The following AUTS2 variants were observed in gnomAD, a reference collection of about 807,000 sequenced individuals.
The protein encoded by AUTS2 is autism susceptibility gene 2 protein.
In AUTS2, 17 loss-of-function variants were observed where a neutral mutation model predicts 112.4. The ratio of observed to expected loss-of-function variants is 0.15; its 90% confidence interval spans 0.10 to 0.23. The LOEUF (loss-of-function observed/expected upper bound fraction) is 0.23. Among genes scored for constraint, AUTS2 ranks in the 10% least tolerant of loss-of-function variants. The pLI is 1.00. For synonymous variants in AUTS2, 751 were observed against 702.7 expected (o/e 1.07, Z -1.09); for missense variants, 1,510 against 1,701.6 (o/e 0.89, Z 1.98).
intron 4 of AUTS2, among the ~76,000 whole-genome samples, chr7:70,337,447 A>G (rs773600742): frequency 1.3e-5 from 2 of 152,224 alleles, no homozygotes; most frequent in Non-Finnish European, 2.9e-5. Context: ...AGCTTTCAAG[A>G]TGACAAAGAT....
At chr7:69,616,329 C>A (rs1214185186) in intron 1 of AUTS2, among the ~76,000 whole-genome samples, 2 of 152,154 alleles carry the variant, frequency 1.3e-5, no homozygotes. Flanking sequence ...ATATTTCCTC[C>A]CTTGTACAGC....
At chr7:70,303,638 G>C (rs1789349265) in intron 4 of AUTS2, among the ~76,000 whole-genome samples, 1 of 152,108 alleles carries the variant, frequency 6.6e-6, no homozygotes, top group African/African-American at 2.4e-5. Context: ...GTTTCAGATA[G>C]AAGACACTCC....
intron 2 of AUTS2, among the ~76,000 whole-genome samples, chr7:70,015,878 A>T (rs1800007119): frequency 7.0e-6 from 1 of 142,774 alleles, no homozygotes; most frequent in South Asian, 2.2e-4. Flanking sequence ...CCCTGTGCTT[A>T]TGCTTGTGCC....
intron 1 of AUTS2, among the ~76,000 whole-genome samples, chr7:69,677,823 TAGAC>T (rs1257479451): frequency 7.9e-5 from 12 of 152,218 alleles, no homozygotes; most frequent in Non-Finnish European, 8.8e-5. Context: ...AAAGCAAACT[TAGAC>T]AGAAGCAGGA....
At chr7:69,762,293 CTTTTTTTTTTT>C (rs534032498) in intron 1 of AUTS2, among the ~76,000 whole-genome samples, 36 of 61,600 alleles carry the variant, frequency 5.8e-4, no homozygotes, top group African/African-American at 1.4e-3. Context: ...GCCAAGTTGT[CTTTTTTTTTTT>C]TTTTTTTTTT....
intron 5 of AUTS2, among the ~76,000 whole-genome samples, chr7:70,615,062 A>G (rs1804285008): frequency 6.6e-6 from 1 of 152,218 alleles, no homozygotes; most frequent in Non-Finnish European, 1.5e-5. Context: ...CGCTGGATGA[A>G]GAACAATTGG....
At chr7:70,111,599 T>A (rs2129571469) in intron 2 of AUTS2, among the ~76,000 whole-genome samples, 1 of 152,326 alleles carries the variant, frequency 6.6e-6, no homozygotes, top group African/African-American at 2.4e-5. Flanking sequence ...CTTGGTGGGC[T>A]ATACTTTAAT....
chr7:70,027,854 A>G (rs1800590101), intron 2 of AUTS2, among the ~76,000 whole-genome samples: 2 of 150,578 alleles, frequency 1.3e-5, no homozygotes, highest in Middle Eastern at 6.8e-3. Flanking sequence ...AAGTACAAGG[A>G]ACTCAGACCC....
intron 4 of AUTS2, among the ~76,000 whole-genome samples, chr7:70,430,066 A>G (rs997356): frequency 0.16 from 23,689 of 152,218 alleles, 2,107 homozygotes; most frequent in Non-Finnish European, 0.19. Flanking sequence ...ATCCTCTTGT[A>G]ATGACAAAAT....
chr7:70,326,384 T>C (rs889817975), intron 4 of AUTS2, among the ~76,000 whole-genome samples: 8 of 152,224 alleles, frequency 5.3e-5, no homozygotes, highest in South Asian at 2.1e-4. Flanking sequence ...CCTTACTCCA[T>C]GCGTTTACCT....
chr7:69,641,738 G>A (rs137876923), intron 1 of AUTS2, among the ~76,000 whole-genome samples: 114 of 152,274 alleles, frequency 7.5e-4, no homozygotes, highest in African/African-American at 2.6e-3. Context: ...GCATCATGAA[G>A]TATTCTTTCA....
intron 1 of AUTS2, among the ~76,000 whole-genome samples, chr7:69,769,216 A>G (rs1788558030): frequency 6.6e-6 from 1 of 152,258 alleles, no homozygotes; most frequent in Admixed American, 6.5e-5. Context: ...TCTATTAAAT[A>G]TGTCAGACTT....
intron 4 of AUTS2, among the ~76,000 whole-genome samples, chr7:70,396,043 C>G (rs1485750217): frequency 6.6e-6 from 1 of 152,074 alleles, no homozygotes; most frequent in Non-Finnish European, 1.5e-5. Context: ...TTAAAAGCAG[C>G]TTTATTGTGG....
At chr7:69,686,647 G>A (rs1052004561) in intron 1 of AUTS2, among the ~76,000 whole-genome samples, 1 of 152,100 alleles carries the variant, frequency 6.6e-6, no homozygotes, top group African/African-American at 2.4e-5. Flanking sequence ...AAGTAATTTG[G>A]GTATGCTGTA....
At chr7:69,844,041 A>C (rs1792092366) in intron 1 of AUTS2, among the ~76,000 whole-genome samples, 1 of 152,194 alleles carries the variant, frequency 6.6e-6, no homozygotes, top group Admixed American at 6.5e-5. Context: ...CATACCAGCC[A>C]ATCCTCGTTA....
At chr7:70,431,866 C>T (rs1795685419) in intron 4 of AUTS2, among the ~76,000 whole-genome samples, 1 of 152,168 alleles carries the variant, frequency 6.6e-6, no homozygotes, top group South Asian at 2.1e-4. Flanking sequence ...TGGAAGGACT[C>T]AGGTTTAGGA....
intron 2 of AUTS2, among the ~76,000 whole-genome samples, chr7:70,112,111 T>G (rs1181344257): frequency 6.6e-6 from 1 of 151,916 alleles, no homozygotes; most frequent in Non-Finnish European, 1.5e-5. Context: ...GAAAATACAT[T>G]AAGTCCATGA....
intron 5 of AUTS2, among the ~76,000 whole-genome samples, chr7:70,524,969 G>C (rs996238417): frequency 1.3e-5 from 2 of 152,192 alleles, no homozygotes; most frequent in African/African-American, 2.4e-5. Flanking sequence ...GCACTGGCTT[G>C]AGGATGATGG....
At chr7:70,778,083 G>T (rs1355335970) in intron 14 of AUTS2, among the ~76,000 whole-genome samples, 1 of 152,046 alleles carries the variant, frequency 6.6e-6, no homozygotes, top group Non-Finnish European at 1.5e-5. Flanking sequence ...TTTCCTTTTT[G>T]TCTATATTTT....
Sources: gnomAD v4.1 joint callset for allele counts (sites outside exome capture counted in the v4.1 genomes callset) on GRCh38, gnomAD v4.1.1 for gene constraint, MANE v1.5 for transcripts, NCBI Gene and HGNC (gene_info 2026-07-23, HGNC 2026-07-21) for gene names.